The following PARG variants were observed in gnomAD, a reference collection of about 807,000 sequenced individuals.
PARG encodes mitochondrial poly(ADP-ribose) glycohydrolase.
A neutral mutation model predicts 113.0 loss-of-function variants in PARG; 35 were observed. The observed-to-expected ratio is 0.31, with a 90% confidence interval of 0.24 to 0.41. PARG has a LOEUF of 0.41. Ranked by LOEUF, PARG falls within the 10% of genes least tolerant of loss-of-function variation. PARG has a pLI of 1.00. For missense variants in PARG, 797 were observed against 1,169.4 expected, an observed-to-expected ratio of 0.68 and a Z score of 4.64; for synonymous variants, 330 against 409.9, an observed-to-expected ratio of 0.81 and a Z score of 2.36.
intron 16 of PARG, among the ~76,000 whole-genome samples, chr10:49,828,092 CAAAAAAAAAAA>C (rs71026274): frequency 2.0e-5 from 1 of 50,368 alleles, no homozygotes; most frequent in Non-Finnish European, 3.5e-5. Flanking sequence ...AAAGCTTAAA[CAAAAAAAAAAA>C]AAAAAAAAAA....
intron 10 of PARG, among the ~76,000 whole-genome samples, chr10:49,868,150 G>C: frequency 6.6e-6 from 1 of 152,014 alleles, no homozygotes; most frequent in Non-Finnish European, 1.5e-5. Flanking sequence ...ACCGCGCCTG[G>C]CTAATTTTTG....
chr10:49,922,880 C>G (rs1837959948), intron 4 of PARG, among the ~76,000 whole-genome samples: 1 of 152,160 alleles, frequency 6.6e-6, no homozygotes, highest in Non-Finnish European at 1.5e-5. Flanking sequence ...CTCCATATCC[C>G]CTAGGAATCC....
At chr10:49,831,010 T>C (rs1249947609) in intron 16 of PARG, among the ~76,000 whole-genome samples, 12 of 151,994 alleles carry the variant, frequency 7.9e-5, no homozygotes, top group Admixed American at 3.3e-4. Context: ...CACTAACAAA[T>C]GCTGAGTACT....
At position 49,938,061 on chromosome 10, in the gene PARG, A is replaced by G. The variant is rs1205098982; in HGVS notation, c.218-2919T>C. 1.5e-4 allele frequency among the ~76,000 whole-genome samples: 23 copies of G among 152,290 alleles called. No homozygotes were observed. The East Asian group carries it at 4.4e-3, about 29-fold the overall frequency. ...GTCACAGCAAGGCAAAAAGAGTGGC[A>G]ATAAGAAGTGATGAAAAGATACAAG... On this transcript the variant is annotated intron_variant, in intron 1 of 17. Transcript: ENST00000616448.
intron 7 of PARG, among the ~76,000 whole-genome samples, chr10:49,893,802 T>C (rs1847932366): frequency 6.6e-6 from 1 of 151,914 alleles, no homozygotes; most frequent in African/African-American, 2.4e-5. Flanking sequence ...CACGCCATTC[T>C]CCTGCCTCAG....
At chr10:49,902,228 C>A (rs1444127136) in intron 7 of PARG, among the ~76,000 whole-genome samples, 4 of 152,088 alleles carry the variant, frequency 2.6e-5, no homozygotes, top group African/African-American at 7.2e-5. Context: ...CTAAAATACA[C>A]CTAATTTTAT....
chr10:49,907,032 T>C (rs1389017543), intron 7 of PARG, among the ~76,000 whole-genome samples: 5 of 152,016 alleles, frequency 3.3e-5, no homozygotes, highest in African/African-American at 1.2e-4. Context: ...ATGCCCTTTG[T>C]TTATCTTAGA....
At chr10:49,830,784 G>C (rs141536504) in intron 16 of PARG, among the ~76,000 whole-genome samples, 28 of 152,280 alleles carry the variant, frequency 1.8e-4, no homozygotes, top group Admixed American at 6.5e-4. Context: ...TCACCTTTCA[G>C]AGTGAAATCT....
At chr10:49,915,514 T>C (rs1837423384) in intron 7 of PARG, among the ~76,000 whole-genome samples, 1 of 152,116 alleles carries the variant, frequency 6.6e-6, no homozygotes. Context: ...GTCATCTAAT[T>C]TCTGGAAATC....
At chr10:49,921,486 C>T (rs1406720451) in intron 6 of PARG, among the ~76,000 whole-genome samples, 1 of 151,594 alleles carries the variant, frequency 6.6e-6, no homozygotes, top group African/African-American at 2.4e-5. Flanking sequence ...GGAATAAAGC[C>T]TTCAAAATAC....
chr10:49,873,387 T>G (rs1846791290), intron 9 of PARG, among the ~76,000 whole-genome samples: 1 of 142,090 alleles, frequency 7.0e-6, no homozygotes, highest in African/African-American at 2.6e-5. Context: ...GTACTGGATC[T>G]TTCAGAAGCC....
intron 10 of PARG, among the ~76,000 whole-genome samples, chr10:49,865,615 G>A (rs1181149341): frequency 5.5e-5 from 8 of 144,510 alleles, no homozygotes; most frequent in African/African-American, 1.8e-4. Flanking sequence ...AAAATAATAA[G>A]ACTTCACTAA....
chr10:49,850,220 T>C (rs1211778541), intron 13 of PARG, among the ~76,000 whole-genome samples: 1 of 139,330 alleles, frequency 7.2e-6, no homozygotes, highest in Non-Finnish European at 1.5e-5. Context: ...CTACAATAAA[T>C]GCATGGTATG....
chr10:49,828,088 T>TAAAA (rs1564594600), intron 16 of PARG, among the ~76,000 whole-genome samples: 2 of 5,054 alleles, frequency 4.0e-4, no homozygotes, highest in Non-Finnish European at 1.5e-3. Context: ...GTAGAAAGCT[T>TAAAA]AAACAAAAAA....
intron 16 of PARG, among the ~76,000 whole-genome samples, chr10:49,823,099 A>G (rs1288293254): frequency 1.3e-5 from 2 of 152,192 alleles, no homozygotes; most frequent in Non-Finnish European, 2.9e-5. Flanking sequence ...ACATTTATGA[A>G]TTTAATAACT....
intron 1 of PARG, among the ~76,000 whole-genome samples, chr10:49,939,893 G>A (rs1838938272): frequency 6.6e-6 from 1 of 152,154 alleles, no homozygotes. Context: ...GCTCTGCCCA[G>A]CCTCTTACAC....
At chr10:49,887,750 A>C (rs1214003880) in intron 7 of PARG, among the ~76,000 whole-genome samples, 1 of 152,184 alleles carries the variant, frequency 6.6e-6, no homozygotes, top group Non-Finnish European at 1.5e-5. Flanking sequence ...TACTATTATA[A>C]ATAAAGCTAT....
At chr10:49,926,788 T>C (rs1299163493) in intron 4 of PARG, among the ~76,000 whole-genome samples, 1 of 152,230 alleles carries the variant, frequency 6.6e-6, no homozygotes, top group Non-Finnish European at 1.5e-5. Flanking sequence ...TGTATGATTT[T>C]GCCAATAACT....
chr10:49,841,265 A>G (rs1414991129), intron 15 of PARG, among the ~76,000 whole-genome samples: 1 of 152,116 alleles, frequency 6.6e-6, no homozygotes. Flanking sequence ...AAAAAAAAGA[A>G]AAAAAGAAAA....
Sources: allele counts gnomAD v4.1 joint callset (sites outside exome capture counted in the v4.1 genomes callset), GRCh38; gene constraint gnomAD v4.1.1; transcripts MANE v1.5; gene names NCBI Gene and HGNC (gene_info 2026-07-23, HGNC 2026-07-21).